PLPP7: variants seen among roughly 807,000 people sequenced by gnomAD.
PLPP7 encodes the protein inactive phospholipid phosphatase 7.
PLPP7 carries 11 observed loss-of-function variants against 16.9 expected under a neutral mutation model. The observed-to-expected ratio is 0.65, with a 90% confidence interval of 0.41 to 1.08. The LOEUF (loss-of-function observed/expected upper bound fraction) is 1.08. Ranked by LOEUF, PLPP7 falls within the 50% of genes least tolerant of loss-of-function variation. The probability of loss-of-function intolerance (pLI) is 0.00; values close to 1 mark genes in which losing one functional copy is unlikely to be tolerated. For missense variants in PLPP7, 358 were observed against 397.1 expected, an observed-to-expected ratio of 0.90 and a Z score of 0.84; for synonymous variants, 174 against 175.1, an observed-to-expected ratio of 0.99 and a Z score of 0.05.
At chr9:131,300,241 C>T (rs1001777465) in intron 1 of PLPP7, among the ~76,000 whole-genome samples, 37 of 152,324 alleles carry the variant, frequency 2.4e-4, no homozygotes, top group African/African-American at 7.7e-4. Context: ...TCAGGAACCA[C>T]CCCTGGTACC....
In PLPP7 at chr9:131,290,144, C is replaced by A. The variant is rs1835649335; in HGVS notation, c.147C>A (p.Pro49=). The A allele has an allele frequency of 6.3e-7, 1 of 1,576,244 alleles. No individual in the cohort carries two copies. The highest frequency in any genetic ancestry group is 1.2e-5 in the South Asian group (1 of 85,884). The change falls in exon 1 of 2, where the codon CCC becomes CCA. Residue 49 remains proline (P), a synonymous_variant. Coordinates refer to ENST00000372264, the MANE Select transcript of PLPP7 (RefSeq NM_032728.4). The surrounding 1 kb of genome is among the most constrained non-coding windows in gnomAD (Gnocchi z 4.2). ...GRKASGPSAQ[P]PPAGDGARER... is the part of the protein sequence containing the mutation. ...AGGCCTCGGGCCCATCAGCACAGCC[C>A]CCACCTGCTGGTGACGGGGCCAGAG...
intron 1 of PLPP7, among the ~76,000 whole-genome samples, chr9:131,293,273 T>G (rs1236214080): frequency 6.6e-6 from 1 of 152,140 alleles, no homozygotes; most frequent in African/African-American, 2.4e-5. Flanking sequence ...ACTGCACTCC[T>G]GGAGCGTGTG....
rs540328877 is a variant in PLPP7 at position 131,290,779 on chromosome 9, C to T, written c.451+331C>T. On this transcript the variant is annotated intron_variant, in intron 1 of 1. Coordinates refer to ENST00000372264, the MANE Select transcript of PLPP7 (RefSeq NM_032728.4). This position sits in a 1 kb window ranked among gnomAD's most constrained non-coding sequence, Gnocchi z 4.2. ...CCAGAGGCGGTGGCCTCAAGGGAGACGGTCAGGGCTCTGGTGGGCATCCTG... is the reference window on the plus strand; with the variant it reads ...CCAGAGGCGGTGGCCTCAAGGGAGATGGTCAGGGCTCTGGTGGGCATCCTG... Among the ~76,000 whole-genome samples, 9 of 152,302 alleles carry T rather than the reference C, an allele frequency of 5.9e-5. No individual in the cohort carries two copies. Among genetic ancestry groups the T allele is most frequent in the East Asian group, 1.9e-4 (1 of 5,170 alleles).
At chr9:131,291,039 A>G (rs1588206624) in intron 1 of PLPP7, 8 of 1,359,626 alleles carry the variant, frequency 5.9e-6, no homozygotes, top group Admixed American at 1.9e-5. Flanking sequence ...AGGGGGAGTC[A>G]CTGGAGAAGG....
intron 1 of PLPP7, among the ~76,000 whole-genome samples, chr9:131,297,194 T>C (rs1024911037): frequency 2.0e-5 from 3 of 152,170 alleles, no homozygotes; most frequent in African/African-American, 7.2e-5. Context: ...GTGGTGCCAG[T>C]AGGCAGGGTC....
Position 131,308,369 on chromosome 9 carries a change from G to A in PLPP7, c.*82G>A, listed in dbSNP as rs1359251819. ...AGGGGGTGGCGAGGTGGCGGGCGTG[G>A]GTGGAACAGAGCGGCCAGGAGTCAG... On this transcript the variant is annotated 3_prime_UTR_variant, in exon 2 of 2. Transcript: ENST00000372264. 2 of 1,470,544 alleles carry A rather than the reference G, an allele frequency of 1.4e-6. No individual in the cohort carries two copies. Among genetic ancestry groups the A allele is most frequent in the Admixed American group, 4.6e-5 (2 of 43,844 alleles). The allele number at this position is 1,470,544 out of a possible 1,614,324, so 91.1% of individuals were successfully genotyped here. A position where few individuals can be genotyped will look rare whatever the true frequency, so the allele number is the denominator to read the frequency against.
chr9:131,291,349 A>G, intron 1 of PLPP7: 6 of 1,185,718 alleles, frequency 5.1e-6, no homozygotes, highest in Non-Finnish European at 6.4e-6. Flanking sequence ...GGCAAACATT[A>G]ACAAGGGGTC....
rs756646822 is a variant in PLPP7, at chr9:131,308,071, G to T, written c.600G>T (p.Val200=). ...GGCACGCCAGCCGCGCCGCCATGGT[G>T]TCCAAGTTCTTCCTCAGCCACCTGG... ...PAGHASRAAM[V]SKFFLSHLVL... is the part of the protein sequence containing the mutation. Residue 200 remains valine (V), a synonymous_variant, in exon 2 of 2, where the codon GTG becomes GTT. Coordinates refer to ENST00000372264, the MANE Select transcript of PLPP7 (RefSeq NM_032728.4). 6 of 1,601,328 alleles carry T rather than the reference G, an allele frequency of 3.7e-6. No homozygotes were observed. The South Asian group carries it at 5.5e-5, about 15-fold the overall frequency.
chr9:131,292,176 C>T (rs748771176), intron 1 of PLPP7, among the ~76,000 whole-genome samples: 1 of 152,182 alleles, frequency 6.6e-6, no homozygotes, highest in Non-Finnish European at 1.5e-5. Flanking sequence ...AACCTGCTCT[C>T]ATTATCCACA....
intron 1 of PLPP7, among the ~76,000 whole-genome samples, chr9:131,298,271 T>G (rs1835757314): frequency 6.6e-6 from 1 of 151,966 alleles, no homozygotes; most frequent in Admixed American, 6.6e-5. Context: ...ATTTACACAC[T>G]CCCTGGGCAG....
At chr9:131,307,452 C>T (rs185164939) in intron 1 of PLPP7, among the ~76,000 whole-genome samples, 11 of 143,790 alleles carry the variant, frequency 7.7e-5, no homozygotes, top group Non-Finnish European at 1.3e-4. Flanking sequence ...CTCAGGAGGC[C>T]GAGGCAGGAG....
chr9:131,307,383 CTCTACTGAAAG>C (rs1262882170), intron 1 of PLPP7, among the ~76,000 whole-genome samples: 32 of 151,442 alleles, frequency 2.1e-4, no homozygotes, highest in Non-Finnish European at 4.0e-4. Flanking sequence ...AAAGCCCCAT[CTCTACTGAAAG>C]TACAAAAATT....
intron 1 of PLPP7, chr9:131,291,223 G>A: frequency 2.2e-6 from 3 of 1,350,246 alleles, no homozygotes; most frequent in Non-Finnish European, 2.0e-6. Context: ...GGCACCACCA[G>A]GTCCCCAAGG....
Position 131,303,334 on chromosome 9 carries a change from A to T in PLPP7, c.452-4589A>T, listed in dbSNP as rs1212215057. Among the ~76,000 whole-genome samples the T allele has an allele frequency of 7.0e-5, 5 of 71,564 alleles. No homozygotes were observed. The South Asian group carries it at 1.6e-3, about 23-fold the overall frequency. The allele number at this position is 71,564 out of a possible 152,430, so 46.9% of individuals were successfully genotyped here. ...GCAACAAGAGGGAAACTCTGTCTTA[A>T]AAAAAAAAAAAAAAAAAAAAAGCTG... On this transcript the variant is annotated intron_variant, in intron 1 of 1. Transcript: ENST00000372264.
chr9:131,301,251 G>A (rs1835795604), intron 1 of PLPP7, among the ~76,000 whole-genome samples: 1 of 152,198 alleles, frequency 6.6e-6, no homozygotes, highest in African/African-American at 2.4e-5. Context: ...TTACGGGCAT[G>A]AGCCACCGCG....
intron 1 of PLPP7, among the ~76,000 whole-genome samples, chr9:131,298,163 A>G (rs555764694): frequency 8.1e-4 from 123 of 152,286 alleles, no homozygotes; most frequent in African/African-American, 2.7e-3. Flanking sequence ...CGATTTCCCA[A>G]GGAGATATTC....
In PLPP7 at chr9:131,290,211, C is replaced by T; in HGVS notation, c.214C>T (p.Gln72Ter). The change falls in exon 1 of 2, where the codon CAG (glutamine) becomes TAG (stop). Residue 72 changes from glutamine to a stop codon, truncating the protein, a stop_gained. Coordinates refer to ENST00000372264, the MANE Select transcript of PLPP7 (RefSeq NM_032728.4). LOFTEE classifies it high-confidence loss of function. The surrounding 1 kb of genome is among the most constrained non-coding windows in gnomAD (Gnocchi z 4.2). ...GCAGCTGCCAGAGGAGGACTGCATG[C>T]AGCTGAACCCCTCCTTCAAGGGCAT... ...SQQLPEEDCMQLNPSFKGIAF... is the reference protein window; with the variant it reads ...SQQLPEEDCM 6.2e-7 allele frequency: 1 copy of T among 1,605,414 alleles called. No homozygotes were observed. Among genetic ancestry groups the T allele is most frequent in the South Asian group, 1.1e-5 (1 of 89,656 alleles).
chr9:131,293,827 G>A (rs551613752), intron 1 of PLPP7, among the ~76,000 whole-genome samples: 31 of 152,234 alleles, frequency 2.0e-4, no homozygotes, highest in African/African-American at 5.3e-4. Flanking sequence ...CATGCCACAC[G>A]GTGACATCAC....
intron 1 of PLPP7, among the ~76,000 whole-genome samples, chr9:131,298,836 G>GTCTTTTA (rs1835764934): frequency 6.6e-6 from 1 of 152,222 alleles, no homozygotes; most frequent in African/African-American, 2.4e-5. Flanking sequence ...GGTGGGCCTC[G>GTCTTTTA]AGGTGGGTTC....
Sources: gnomAD v4.1 joint callset for allele counts (sites outside exome capture counted in the v4.1 genomes callset) on GRCh38, gnomAD v4.1.1 for gene constraint, Gnocchi (gnomAD v3.1) non-coding constraint, MANE v1.5 for transcripts, NCBI Gene and HGNC (gene_info 2026-07-23, HGNC 2026-07-21) for gene names.